The following TMEM132D variants were observed in gnomAD, a reference collection of about 807,000 sequenced individuals.
The protein encoded by TMEM132D is transmembrane protein 132D, also known as mature OL transmembrane protein.
Under a neutral mutation model 62.3 loss-of-function variants are expected in TMEM132D, and 21 were observed. That is an observed-to-expected ratio of 0.34 (90% confidence interval 0.24 to 0.49). TMEM132D has a LOEUF of 0.49. Among genes scored for constraint, TMEM132D ranks in the 20% least tolerant of loss-of-function variants. TMEM132D has a pLI of 0.99. For synonymous variants in TMEM132D, 621 were observed against 575.6 expected (o/e 1.08, Z -1.13); for missense variants, 1,346 against 1,402.8 (o/e 0.96, Z 0.65).
In TMEM132D at chr12:129,779,506, C is replaced by G. The variant is rs959964425; in HGVS notation, c.80-78808G>C. Reference sequence around the variant, plus strand: ...CATATTGTCCCAGGCTGGTCTCAAACTCATGGACTCAAACCACCTGCCTGC... The same window carrying G: ...CATATTGTCCCAGGCTGGTCTCAAAGTCATGGACTCAAACCACCTGCCTGC... On this transcript the variant is annotated intron_variant, in intron 1 of 8. Coordinates refer to ENST00000422113, the MANE Select transcript of TMEM132D (RefSeq NM_133448.3). This position sits in a 1 kb window ranked among gnomAD's most constrained non-coding sequence, Gnocchi z 4.1. Among the ~76,000 whole-genome samples the G allele has an allele frequency of 3.3e-5, 5 of 152,292 alleles. No individual in the cohort carries two copies. Among genetic ancestry groups the G allele is most frequent in the African/African-American group, 1.2e-4 (5 of 41,562 alleles).
chr12:129,548,613 C>T (rs1233909947), intron 2 of TMEM132D, among the ~76,000 whole-genome samples: 1 of 152,130 alleles, frequency 6.6e-6, no homozygotes, highest in African/African-American at 2.4e-5. Flanking sequence ...ACCAGCTATC[C>T]AACATCACAG....
chr12:129,717,994 G>T (rs1427077888), intron 1 of TMEM132D, among the ~76,000 whole-genome samples: 3 of 152,210 alleles, frequency 2.0e-5, no homozygotes, highest in Admixed American at 2.0e-4. Flanking sequence ...CAACACGAAG[G>T]TGCGTTGTGT....
At chr12:129,636,698 A>ATGTGTGTGTGTGTGTG (rs542826978) in intron 2 of TMEM132D, among the ~76,000 whole-genome samples, 253 of 107,920 alleles carry the variant, frequency 2.3e-3, no homozygotes, top group Middle Eastern at 0.012. Flanking sequence ...TCATACAGAA[A>ATGTGTGTGTGTGTGTG]TGTGTGTGTG....
chr12:129,896,136 AT>A (rs139243304), intron 1 of TMEM132D, among the ~76,000 whole-genome samples: 2 of 130,676 alleles, frequency 1.5e-5, no homozygotes, highest in African/African-American at 3.9e-5. Flanking sequence ...CACCTGGCTC[AT>A]TTTTTTTGTT....
At chr12:129,413,287 G>C (rs1054351871) in intron 3 of TMEM132D, among the ~76,000 whole-genome samples, 4 of 152,092 alleles carry the variant, frequency 2.6e-5, no homozygotes, top group African/African-American at 9.7e-5. Flanking sequence ...CACAAGATCT[G>C]ATAGTTTTAT....
At chr12:129,432,198 GATGGTTGC>G (rs1872676469) in intron 3 of TMEM132D, among the ~76,000 whole-genome samples, 12 of 151,126 alleles carry the variant, frequency 7.9e-5, no homozygotes, top group South Asian at 4.2e-4. Context: ...TGGATGGATG[GATGGTTGC>G]ATGGATGGAT....
intron 4 of TMEM132D, among the ~76,000 whole-genome samples, chr12:129,273,887 A>T (rs1340132312): frequency 4.0e-5 from 6 of 151,324 alleles, no homozygotes; most frequent in Non-Finnish European, 8.8e-5. Flanking sequence ...ACACCTGCAC[A>T]TGTACCCGCT....
chr12:129,261,907 G>A (rs1880559428), intron 4 of TMEM132D, among the ~76,000 whole-genome samples: 1 of 152,148 alleles, frequency 6.6e-6, no homozygotes. Flanking sequence ...ATTTGGAGGG[G>A]AGACCCATTT....
chr12:129,443,340 T>C (rs1303707582), intron 3 of TMEM132D, among the ~76,000 whole-genome samples: 1 of 152,210 alleles, frequency 6.6e-6, no homozygotes, highest in Non-Finnish European at 1.5e-5. Context: ...TATGTCAATC[T>C]CTGGGCATCG....
At chr12:129,302,560 T>G (rs916987764) in intron 4 of TMEM132D, among the ~76,000 whole-genome samples, 2 of 152,202 alleles carry the variant, frequency 1.3e-5, no homozygotes, top group South Asian at 4.1e-4. Flanking sequence ...CTGGAGTCTG[T>G]GGGTCAGCTG....
At chr12:129,587,443 A>C (rs543086933) in intron 2 of TMEM132D, among the ~76,000 whole-genome samples, 4 of 152,144 alleles carry the variant, frequency 2.6e-5, no homozygotes, top group Admixed American at 1.3e-4. Context: ...AATGGGTACT[A>C]GGCTCATTTC....
At chr12:129,800,641 G>A (rs982988370) in intron 1 of TMEM132D, among the ~76,000 whole-genome samples, 7 of 152,158 alleles carry the variant, frequency 4.6e-5, no homozygotes, top group African/African-American at 1.7e-4. Context: ...GAGCACCTTT[G>A]CTCCCAAACG....
chr12:129,776,062 C>T (rs1870911862), intron 1 of TMEM132D, among the ~76,000 whole-genome samples: 1 of 152,016 alleles, frequency 6.6e-6, no homozygotes. Flanking sequence ...AATATTGTGT[C>T]GTGCTGGTGA....
chr12:129,599,441 G>T (rs1878430700), intron 2 of TMEM132D, among the ~76,000 whole-genome samples: 1 of 152,230 alleles, frequency 6.6e-6, no homozygotes, highest in African/African-American at 2.4e-5. Context: ...TCAAATGACA[G>T]TGAATTTAAA....
chr12:129,809,482 G>A (rs1044725485), intron 1 of TMEM132D, among the ~76,000 whole-genome samples: 4 of 151,956 alleles, frequency 2.6e-5, no homozygotes, highest in Admixed American at 1.3e-4. Flanking sequence ...GGGTTTCTGA[G>A]ACGACTGTCT....
chr12:129,216,721 A>T (rs1282359502), intron 4 of TMEM132D, among the ~76,000 whole-genome samples: 1 of 152,202 alleles, frequency 6.6e-6, no homozygotes, highest in Non-Finnish European at 1.5e-5. Flanking sequence ...AAGCGAATAC[A>T]GTGACTAGTC....
intron 1 of TMEM132D, among the ~76,000 whole-genome samples, chr12:129,701,275 G>A (rs1323406625): frequency 6.6e-6 from 1 of 152,208 alleles, no homozygotes; most frequent in Admixed American, 6.5e-5. Flanking sequence ...AAAAATAGAC[G>A]CAGATGCACA....
At chr12:129,176,756 A>C (rs1877918920) in intron 5 of TMEM132D, among the ~76,000 whole-genome samples, 1 of 152,248 alleles carries the variant, frequency 6.6e-6, no homozygotes, top group South Asian at 2.1e-4. Flanking sequence ...CAGGCTGGGC[A>C]TCACTTATCA....
intron 1 of TMEM132D, among the ~76,000 whole-genome samples, chr12:129,708,634 C>A (rs139594088): frequency 0.29 from 25,268 of 85,700 alleles, 4,774 homozygotes; most frequent in Non-Finnish European, 0.36. Context: ...AAAAAAAACA[C>A]ACACACACAC....
Sources: gnomAD v4.1 joint callset for allele counts (sites outside exome capture counted in the v4.1 genomes callset) on GRCh38, gnomAD v4.1.1 for gene constraint, Gnocchi (gnomAD v3.1) non-coding constraint, MANE v1.5 for transcripts, NCBI Gene and HGNC (gene_info 2026-07-23, HGNC 2026-07-21) for gene names.